Variants in MAPK10 observed in about 807,000 individuals in gnomAD.
MAPK10 encodes the protein JNK3 alpha protein kinase.
Under a neutral mutation model 59.3 loss-of-function variants are expected in MAPK10, and 25 were observed. The observed-to-expected ratio is 0.42, with a 90% CI of 0.31 to 0.59. The LOEUF (loss-of-function observed/expected upper bound fraction) is 0.59. Ranked by LOEUF, MAPK10 falls within the 20% of genes least tolerant of loss-of-function variation. The pLI is 0.15. For synonymous variants in MAPK10, 190 were observed against 200.5 expected (o/e 0.95, Z 0.44); for missense variants, 351 against 568.9 (o/e 0.62, Z 3.90).
chr4:86,513,892 C>T (rs1756464083), intron 1 of MAPK10, among the ~76,000 whole-genome samples: 1 of 152,078 alleles, frequency 6.6e-6, no homozygotes, highest in South Asian at 2.1e-4. Context: ...AAGCCACTCC[C>T]TCCTAAGCTC....
At chr4:86,446,146 G>C (rs1037564497) in intron 1 of MAPK10, among the ~76,000 whole-genome samples, 1 of 152,072 alleles carries the variant, frequency 6.6e-6, no homozygotes. Context: ...AGAAATACTC[G>C]ATTATTGTTA....
intron 1 of MAPK10, among the ~76,000 whole-genome samples, chr4:86,479,034 C>T (rs1163538688): frequency 6.6e-6 from 1 of 152,164 alleles, no homozygotes; most frequent in Non-Finnish European, 1.5e-5. Context: ...ACTCAACATG[C>T]CCTGAGTCAG....
At chr4:86,330,143 T>A (rs1475667256) in intron 2 of MAPK10, among the ~76,000 whole-genome samples, 2 of 152,194 alleles carry the variant, frequency 1.3e-5, no homozygotes. Context: ...CTGTGTCCGT[T>A]CAGAATAATC....
chr4:86,140,354 T>G (rs540737720), intron 4 of MAPK10, among the ~76,000 whole-genome samples: 2 of 142,568 alleles, frequency 1.4e-5, no homozygotes, highest in East Asian at 4.1e-4. Context: ...TATGCAGCCA[T>G]AAAAAATGAT....
At chr4:86,454,495 T>C (rs1751064719), upstream of MAPK10, among the ~76,000 whole-genome samples, 1 of 152,026 alleles carries the variant, frequency 6.6e-6, no homozygotes, top group Non-Finnish European at 1.5e-5. Context: ...AGCAATAGAC[T>C]TAAACAAGCA....
chr4:86,077,120 T>A (rs1310434029), intron 9 of MAPK10, among the ~76,000 whole-genome samples: 1 of 152,092 alleles, frequency 6.6e-6, no homozygotes, highest in Non-Finnish European at 1.5e-5. Flanking sequence ...TTGTAAGAAG[T>A]TCAATTTTAT....
intron 2 of MAPK10, among the ~76,000 whole-genome samples, chr4:86,315,260 T>C (rs1473431862): frequency 6.6e-6 from 1 of 151,852 alleles, no homozygotes; most frequent in East Asian, 1.9e-4. Flanking sequence ...TAGTGGGGGA[T>C]GCGGGGCATG....
chr4:86,056,875 G>T (rs2044648479), intron 11 of MAPK10, among the ~76,000 whole-genome samples: 2 of 149,436 alleles, frequency 1.3e-5, no homozygotes, highest in Non-Finnish European at 3.0e-5. Context: ...GGATTCTTTG[G>T]TTTTCAGTAA....
At chr4:86,125,406 ATGTT>A (rs559403829) in intron 4 of MAPK10, 35 of 152,048 alleles carry the variant, frequency 2.3e-4, no homozygotes, top group Non-Finnish European at 5.0e-4. Context: ...ATTTTCAAAA[ATGTT>A]TGTTTAAAAC....
chr4:86,540,736 AAGAAAGTCAGATGT>A (rs1758622646), intron 1 of MAPK10, among the ~76,000 whole-genome samples: 1 of 151,592 alleles, frequency 6.6e-6, no homozygotes, highest in South Asian at 2.1e-4. Context: ...GAAAAAAGAG[AAGAAAGTCAGATGT>A]AGGAAAAGTC....
Position 86,435,354 on chromosome 4 carries a change from G to A in MAPK10, c.-122+17676C>T, listed in dbSNP as rs896630982. Among the ~76,000 whole-genome samples the A allele has an allele frequency of 8.6e-5, 13 of 151,788 alleles. 1 individual carries two copies. Among genetic ancestry groups the A allele is most frequent in the Admixed American group, 4.6e-4 (7 of 15,250 alleles). Reference sequence around the variant, plus strand: ...TCTACTAAAAATACAAAAATTTACCGGGCATCGTGGCAGGCGCCTGTGATC... The same window carrying A: ...TCTACTAAAAATACAAAAATTTACCAGGCATCGTGGCAGGCGCCTGTGATC... On this transcript the variant is annotated intron_variant, in intron 1 of 13. Transcript: ENST00000361569.
chr4:86,248,036 A>G (rs2093207106), intron 2 of MAPK10, among the ~76,000 whole-genome samples: 1 of 152,216 alleles, frequency 6.6e-6, no homozygotes, highest in African/African-American at 2.4e-5. Context: ...TAGGGTTAAC[A>G]GAGCTAAATA....
At chr4:86,266,938 G>A (rs1218399072) in intron 2 of MAPK10, among the ~76,000 whole-genome samples, 2 of 151,786 alleles carry the variant, frequency 1.3e-5, no homozygotes, top group African/African-American at 2.4e-5. Context: ...TCTTTTGGTG[G>A]TATGGATGTG....
intron 2 of MAPK10, among the ~76,000 whole-genome samples, chr4:86,227,277 G>A (rs2090786848): frequency 6.6e-6 from 1 of 152,110 alleles, no homozygotes; most frequent in African/African-American, 2.4e-5. Flanking sequence ...CACGAGGTCA[G>A]GAGATCGAGA....
At chr4:86,277,811 AT>A (rs2094637997) in intron 2 of MAPK10, among the ~76,000 whole-genome samples, 1 of 152,114 alleles carries the variant, frequency 6.6e-6, no homozygotes, top group South Asian at 2.1e-4. Flanking sequence ...TCTAAATTTA[AT>A]TTTGTTAACA....
intron 1 of MAPK10, among the ~76,000 whole-genome samples, chr4:86,410,486 C>A (rs1429523956): frequency 1.3e-5 from 2 of 152,168 alleles, no homozygotes; most frequent in Admixed American, 1.3e-4. Context: ...GGTACCAGCT[C>A]CTTTTTGTAC....
chr4:86,049,550 A>G (rs897371001), intron 11 of MAPK10, among the ~76,000 whole-genome samples: 11 of 152,122 alleles, frequency 7.2e-5, no homozygotes, highest in African/African-American at 1.9e-4. Context: ...CTTATGTCAC[A>G]TAGACTAAAA....
intron 9 of MAPK10, chr4:86,089,313 A>T (rs747549398): frequency 4.0e-5 from 55 of 1,382,024 alleles, no homozygotes; most frequent in Non-Finnish European, 5.5e-5. Context: ...AAACAAGAAC[A>T]CAGGAATAGA....
At chr4:86,438,110 G>A (rs759469523) in intron 1 of MAPK10, among the ~76,000 whole-genome samples, 3 of 152,128 alleles carry the variant, frequency 2.0e-5, no homozygotes, top group Non-Finnish European at 4.4e-5. Context: ...CTGATAGAGG[G>A]CATAAATGGG....
Sources: allele counts gnomAD v4.1 joint callset (sites outside exome capture counted in the v4.1 genomes callset), GRCh38; gene constraint gnomAD v4.1.1; transcripts MANE v1.5; gene names NCBI Gene and HGNC (gene_info 2026-07-23, HGNC 2026-07-21).